OLFM2: variants seen among roughly 807,000 people sequenced by gnomAD.
OLFM2 encodes the protein olfactomedin 2, also known as noelin-2.
Under a neutral mutation model 43.9 loss-of-function variants are expected in OLFM2, and 20 were observed. The ratio of observed to expected loss-of-function variants is 0.46; its 90% CI spans 0.32 to 0.66. OLFM2 has a LOEUF of 0.66. OLFM2 is among the 30% of genes least tolerant of loss of function. The pLI is 0.04. For synonymous variants in OLFM2, 268 were observed against 278.6 expected (o/e 0.96, Z 0.38); for missense variants, 416 against 643.6 (o/e 0.65, Z 3.83).
At chr19:9,863,940 A>G (rs1419889163) in intron 1 of OLFM2, among the ~76,000 whole-genome samples, 1 of 152,264 alleles carries the variant, frequency 6.6e-6, no homozygotes, top group Non-Finnish European at 1.5e-5. Context: ...TAAGTTGCAC[A>G]TCCTCAGCCC....
At chr19:9,855,634 A>G (rs1283127868) in intron 5 of OLFM2, among the ~76,000 whole-genome samples, 2 of 152,018 alleles carry the variant, frequency 1.3e-5, no homozygotes, top group African/African-American at 4.8e-5. Context: ...CCCAGGCTCA[A>G]GCAATCCTCT....
chr19:9,914,294 G>T (rs1020221789), intron 1 of OLFM2, among the ~76,000 whole-genome samples: 1 of 152,082 alleles, frequency 6.6e-6, no homozygotes, highest in African/African-American at 2.4e-5. Context: ...GCGGGCATTG[G>T]GGGGCGTGGG....
At chr19:9,901,952 C>T (rs916913044) in intron 1 of OLFM2, among the ~76,000 whole-genome samples, 1 of 152,226 alleles carries the variant, frequency 6.6e-6, no homozygotes, top group Non-Finnish European at 1.5e-5. Flanking sequence ...TGTTCACAAA[C>T]ATTCTATTTC....
chr19:9,882,088 A>T lies in OLFM2; in HGVS notation c.64-21294T>A, dbSNP rs1222964094. On this transcript the variant is annotated intron_variant, in intron 1 of 5. Transcript: ENST00000264833. ...ACCTCATCTCTACAAAAAATACAAA[A>T]ATTAGCCAGGTGTGGTGGCTCGCAC... Among the ~76,000 whole-genome samples, 10 of 151,876 alleles carry T rather than the reference A, an allele frequency of 6.6e-5. No individual in the cohort carries two copies. In the South Asian group the frequency reaches 1.0e-3, roughly 16 times the overall value.
At chr19:9,916,108 G>A (rs906245694) in intron 1 of OLFM2, among the ~76,000 whole-genome samples, 38 of 152,316 alleles carry the variant, frequency 2.5e-4, no homozygotes, top group Admixed American at 1.7e-3. Context: ...TATAATCCCA[G>A]CACTTTGGGA....
At chr19:9,904,161 T>A (rs1029026464) in intron 1 of OLFM2, among the ~76,000 whole-genome samples, 39 of 91,168 alleles carry the variant, frequency 4.3e-4, no homozygotes, top group Non-Finnish European at 6.6e-4. Context: ...TTTGTGTGTG[T>A]GTGTGTGTGT....
intron 1 of OLFM2, among the ~76,000 whole-genome samples, chr19:9,902,026 C>CTATA (rs146963521): frequency 0.011 from 1,617 of 150,134 alleles, 18 homozygotes; most frequent in East Asian, 0.031. Flanking sequence ...TATATACTGA[C>CTATA]TATATATATA....
chr19:9,874,777 A>T (rs2046471444), intron 1 of OLFM2, among the ~76,000 whole-genome samples: 1 of 151,966 alleles, frequency 6.6e-6, no homozygotes, highest in African/African-American at 2.4e-5. Flanking sequence ...CACCGCACCC[A>T]GTCTTTTATT....
chr19:9,899,244 A>C (rs898010543), intron 1 of OLFM2, among the ~76,000 whole-genome samples: 1 of 151,602 alleles, frequency 6.6e-6, no homozygotes, highest in Non-Finnish European at 1.5e-5. Flanking sequence ...CAGCCTGGGC[A>C]ACAGAATGAG....
At chr19:9,894,086 A>T (rs1022449709) in intron 1 of OLFM2, among the ~76,000 whole-genome samples, 1 of 152,056 alleles carries the variant, frequency 6.6e-6, no homozygotes, top group Non-Finnish European at 1.5e-5. Flanking sequence ...TGAGGCCAGG[A>T]GTTCGAGACC....
At chr19:9,870,349 C>T (rs540806308) in intron 1 of OLFM2, among the ~76,000 whole-genome samples, 5 of 152,170 alleles carry the variant, frequency 3.3e-5, no homozygotes, top group Non-Finnish European at 7.4e-5. Context: ...GGGGTTGAGG[C>T]TGTGGGATCA....
intron 1 of OLFM2, among the ~76,000 whole-genome samples, chr19:9,924,075 G>C (rs2086437221): frequency 7.2e-6 from 1 of 139,554 alleles, no homozygotes; most frequent in African/African-American, 2.8e-5. Flanking sequence ...ATTTCAGCCT[G>C]GGCAACAGAG....
At chr19:9,935,823 C>A (rs894818615) in intron 1 of OLFM2, among the ~76,000 whole-genome samples, 2 of 151,976 alleles carry the variant, frequency 1.3e-5, no homozygotes, top group South Asian at 2.1e-4. Context: ...TTACCCTGCA[C>A]CCCCACAGCA....
chr19:9,862,403 G>A (rs148779808), intron 1 of OLFM2, among the ~76,000 whole-genome samples: 5 of 152,140 alleles, frequency 3.3e-5, no homozygotes, highest in Admixed American at 3.3e-4. Context: ...CAGGAATGGT[G>A]GCTCACGCCT....
At chr19:9,859,056 T>C (rs2046346397) in intron 2 of OLFM2, among the ~76,000 whole-genome samples, 1 of 152,226 alleles carries the variant, frequency 6.6e-6, no homozygotes, top group Non-Finnish European at 1.5e-5. Flanking sequence ...TAAAGTGGAC[T>C]CTGCCTGGCT....
At chr19:9,911,686 A>G (rs1749645905) in intron 1 of OLFM2, among the ~76,000 whole-genome samples, 1 of 152,176 alleles carries the variant, frequency 6.6e-6, no homozygotes, top group South Asian at 2.1e-4. Flanking sequence ...ACACAAAATC[A>G]TAACTCATAG....
intron 1 of OLFM2, among the ~76,000 whole-genome samples, chr19:9,882,537 C>CAA (rs35787704): frequency 4.8e-4 from 73 of 150,834 alleles, no homozygotes; most frequent in African/African-American, 1.2e-3. Flanking sequence ...GACTCCGTCT[C>CAA]AAAAAAAAGA....
At chr19:9,862,611 G>T (rs1358954971) in intron 1 of OLFM2, among the ~76,000 whole-genome samples, 1 of 151,888 alleles carries the variant, frequency 6.6e-6, no homozygotes, top group African/African-American at 2.4e-5. Context: ...GGTACAGGAA[G>T]TTGAGGCTGC....
At chr19:9,869,899 C>A (rs1377661922) in intron 1 of OLFM2, among the ~76,000 whole-genome samples, 1 of 152,132 alleles carries the variant, frequency 6.6e-6, no homozygotes, top group African/African-American at 2.4e-5. Context: ...GGATTACAGG[C>A]ATGCACCACT....
Sources: gnomAD v4.1 joint callset for allele counts (sites outside exome capture counted in the v4.1 genomes callset) on GRCh38, gnomAD v4.1.1 for gene constraint, MANE v1.5 for transcripts, NCBI Gene and HGNC (gene_info 2026-07-23, HGNC 2026-07-21) for gene names.